The following SLC44A5 variants were observed in gnomAD, a reference collection of about 807,000 sequenced individuals.
The protein encoded by SLC44A5 is solute carrier family 44 member 5.
SLC44A5 carries 57 observed loss-of-function variants against 101.8 expected under a neutral mutation model. That is an observed-to-expected ratio of 0.56 (90% CI 0.45 to 0.70). The LOEUF is 0.70. SLC44A5 is among the 30% of genes least tolerant of loss of function. The pLI is 0.00. For synonymous variants in SLC44A5, 281 were observed against 290.9 expected, an observed-to-expected ratio of 0.97 and a Z score of 0.35; for missense variants, 737 against 853.1, an observed-to-expected ratio of 0.86 and a Z score of 1.70.
intron 2 of SLC44A5, among the ~76,000 whole-genome samples, chr1:75,500,406 G>A (rs1668894642): frequency 6.6e-6 from 1 of 151,992 alleles, no homozygotes; most frequent in Non-Finnish European, 1.5e-5. Context: ...TGCAAAAACT[G>A]GAAGATAAAC....
chr1:75,518,374 A>G (rs965062814), intron 2 of SLC44A5, among the ~76,000 whole-genome samples: 4 of 152,242 alleles, frequency 2.6e-5, no homozygotes, highest in African/African-American at 9.6e-5. Context: ...AGAAAATTAA[A>G]TTAAGTCCCC....
chr1:75,427,051 C>G (rs763128583), intron 2 of SLC44A5, among the ~76,000 whole-genome samples: 12 of 152,192 alleles, frequency 7.9e-5, no homozygotes, highest in Non-Finnish European at 1.5e-4. Context: ...GCCGGCTACT[C>G]AGGTTCCATT....
chr1:75,633,200 C>A, the SLC44A5 span, among the ~76,000 whole-genome samples: 1 of 152,058 alleles, frequency 6.6e-6, no homozygotes, highest in Non-Finnish European at 1.5e-5. Flanking sequence ...CTTGGCGATG[C>A]GGGCTCTTTT....
intron 2 of SLC44A5, among the ~76,000 whole-genome samples, chr1:75,540,149 G>C (rs1671279615): frequency 6.6e-6 from 1 of 152,072 alleles, no homozygotes; most frequent in Non-Finnish European, 1.5e-5. Context: ...ATTTCTATCT[G>C]TGAATAATAA....
the SLC44A5 span, among the ~76,000 whole-genome samples, chr1:75,702,207 C>G: frequency 6.6e-6 from 1 of 152,192 alleles, no homozygotes; most frequent in Admixed American, 6.5e-5. Context: ...CCAAGTCAAT[C>G]CTCAGCCAAA....
At position 75,537,028 on chromosome 1, in the gene SLC44A5, A is replaced by AT. The variant is rs1557885180; in HGVS notation, c.13+4406_13+4407insA. 1.1e-3 allele frequency among the ~76,000 whole-genome samples: 62 copies of AT among 54,910 alleles called. 3 individuals carry two copies. Among genetic ancestry groups the AT allele is most frequent in the South Asian group, 2.1e-3 (2 of 940 alleles). 36.0% of individuals were successfully genotyped at this position (54,910 alleles called of 152,430 possible). On this transcript the variant is annotated intron_variant, in intron 2 of 23. Coordinates refer to ENST00000370859, the MANE Select transcript of SLC44A5 (RefSeq NM_001130058.2). ...CTCAAAAAAAAAAAAAAAAAAAAAA[A>AT]AAAAAATATATATCTATGCCAAATG...
chr1:75,587,761 C>A (rs533865448), intron 1 of SLC44A5, among the ~76,000 whole-genome samples: 10 of 152,334 alleles, frequency 6.6e-5, no homozygotes, highest in Admixed American at 6.5e-4. Context: ...AAGAGCAGGA[C>A]AAACAACCAG....
intron 22 of SLC44A5, among the ~76,000 whole-genome samples, chr1:75,212,289 C>T (rs535454438): frequency 6.6e-6 from 1 of 151,862 alleles, no homozygotes; most frequent in Admixed American, 6.6e-5. Flanking sequence ...ATTTCATCAC[C>T]CAAGTAACAA....
chr1:75,286,407 G>A (rs765459568), intron 5 of SLC44A5, among the ~76,000 whole-genome samples: 5 of 152,134 alleles, frequency 3.3e-5, no homozygotes, highest in Middle Eastern at 3.4e-3. Context: ...TAGTTCGTTC[G>A]TGAATTCTTG....
At chr1:75,656,612 ATAAC>A in the SLC44A5 span, among the ~76,000 whole-genome samples, 1 of 152,086 alleles carries the variant, frequency 6.6e-6, no homozygotes, top group Non-Finnish European at 1.5e-5. Flanking sequence ...ATAATTTCTA[ATAAC>A]TATAAGATTT....
At chr1:75,284,389 T>C (rs184063961) in intron 5 of SLC44A5, among the ~76,000 whole-genome samples, 9 of 152,206 alleles carry the variant, frequency 5.9e-5, no homozygotes, top group Admixed American at 5.9e-4. Context: ...AATTTATTTA[T>C]CAGTTCTAGC....
At chr1:75,505,673 G>A (rs1163600368) in intron 2 of SLC44A5, among the ~76,000 whole-genome samples, 1 of 152,044 alleles carries the variant, frequency 6.6e-6, no homozygotes, top group African/African-American at 2.4e-5. Context: ...GTCTGCTCAT[G>A]TCCTTTGCCC....
At chr1:75,552,920 G>A (rs1008392744) in intron 1 of SLC44A5, among the ~76,000 whole-genome samples, 2 of 151,844 alleles carry the variant, frequency 1.3e-5, no homozygotes, top group Admixed American at 6.6e-5. Context: ...GTTAATAAAC[G>A]GTTTAAAGAA....
chr1:75,314,538 A>T (rs1012652061), intron 4 of SLC44A5, among the ~76,000 whole-genome samples: 17 of 152,166 alleles, frequency 1.1e-4, no homozygotes, highest in Non-Finnish European at 7.4e-5. Context: ...CTAGGGTTGC[A>T]GTAGTGGCAA....
intron 3 of SLC44A5, among the ~76,000 whole-genome samples, chr1:75,376,634 G>C (rs1158272376): frequency 6.6e-6 from 1 of 151,416 alleles, no homozygotes; most frequent in African/African-American, 2.4e-5. Flanking sequence ...CTGTTAGAAG[G>C]AAAACTAACA....
chr1:75,301,165 A>G (rs1226535714), intron 4 of SLC44A5, among the ~76,000 whole-genome samples: 1 of 152,174 alleles, frequency 6.6e-6, no homozygotes, highest in Non-Finnish European at 1.5e-5. Flanking sequence ...TGGAGAACTG[A>G]GTTGTAACTA....
intron 13 of SLC44A5, among the ~76,000 whole-genome samples, chr1:75,223,389 T>C (rs1647130159): frequency 6.6e-6 from 1 of 152,232 alleles, no homozygotes; most frequent in African/African-American, 2.4e-5. Context: ...TCAATTATTA[T>C]ATTTCCTCAT....
chr1:75,299,893 G>A (rs935752955), intron 5 of SLC44A5, among the ~76,000 whole-genome samples: 1 of 151,288 alleles, frequency 6.6e-6, no homozygotes, highest in East Asian at 1.9e-4. Context: ...GTGCATGCCT[G>A]TAATCCCAGC....
chr1:75,408,537 A>G (rs1557754774), intron 2 of SLC44A5, among the ~76,000 whole-genome samples: 1 of 152,176 alleles, frequency 6.6e-6, no homozygotes, highest in Non-Finnish European at 1.5e-5. Flanking sequence ...CATAAAAAAG[A>G]ATGAGTTCAT....
Sources: gnomAD v4.1 joint callset for allele counts (sites outside exome capture counted in the v4.1 genomes callset) on GRCh38, gnomAD v4.1.1 for gene constraint, MANE v1.5 for transcripts, NCBI Gene and HGNC (gene_info 2026-07-23, HGNC 2026-07-21) for gene names.